Variants in STARD13 observed in about 807,000 individuals in gnomAD.
The protein encoded by STARD13 is StAR related lipid transfer domain containing 13, also known as stAR-related lipid transfer protein 13.
STARD13 carries 62 observed loss-of-function variants against 106.4 expected under a neutral mutation model. That is an observed-to-expected ratio of 0.58 (90% CI 0.48 to 0.72). STARD13 has a LOEUF of 0.72. Among genes scored for constraint, STARD13 ranks in the 30% least tolerant of loss-of-function variants. The pLI is 0.00. For missense variants in STARD13, 1,387 were observed against 1,424.0 expected, an observed-to-expected ratio of 0.97 and a Z score of 0.42; for synonymous variants, 565 against 553.0, an observed-to-expected ratio of 1.02 and a Z score of -0.31.
intron 3 of STARD13, 82 bp downstream of exon 3, chr13:33,165,255 T>C: frequency 9.5e-7 from 1 of 1,055,484 alleles, no homozygotes; most frequent in Non-Finnish European, 1.5e-6. Context: ...ACTTGCCGAA[T>C]AGCTGAGCTC....
intron 13 of STARD13, 91 bp from the exon 14 acceptor site, chr13:33,105,801 G>A (rs919301888): frequency 8.5e-6 from 9 of 1,058,158 alleles, no homozygotes; most frequent in African/African-American, 3.1e-5. Context: ...CTTGGGCCCC[G>A]ATGACCAGTG....
intron 1 of STARD13, among the ~76,000 whole-genome samples, chr13:33,299,766 C>T (rs377015582): frequency 2.0e-5 from 3 of 152,168 alleles, no homozygotes; most frequent in Non-Finnish European, 2.9e-5. Flanking sequence ...TTCATGAATG[C>T]CTACTCTGTG....
chr13:33,644,427 T>C, the STARD13 span, among the ~76,000 whole-genome samples: 15,350 of 151,868 alleles, frequency 0.1, 1,689 homozygotes, highest in African/African-American at 0.24. Flanking sequence ...GGTGCCTGAT[T>C]CCCGAATGCC....
intron 1 of STARD13, among the ~76,000 whole-genome samples, chr13:33,256,719 G>A (rs1158283487): frequency 2.0e-5 from 3 of 152,170 alleles, no homozygotes; most frequent in African/African-American, 7.2e-5. Context: ...AACGAGACAA[G>A]CATGTTAACA....
chr13:33,467,573 G>A, the STARD13 span, among the ~76,000 whole-genome samples: 18 of 152,136 alleles, frequency 1.2e-4, no homozygotes, highest in Non-Finnish European at 2.2e-4. Flanking sequence ...TTTTCAGAGC[G>A]AAATGAGGAC....
chr13:33,239,850 T>C (rs1889379030), intron 1 of STARD13, among the ~76,000 whole-genome samples: 1 of 152,206 alleles, frequency 6.6e-6, no homozygotes, highest in South Asian at 2.1e-4. Flanking sequence ...TAGGTTGCTT[T>C]TTCAATCTTG....
At chr13:33,557,076 C>T in the STARD13 span, among the ~76,000 whole-genome samples, 2 of 152,160 alleles carry the variant, frequency 1.3e-5, no homozygotes, top group African/African-American at 2.4e-5. Context: ...TGTAGAGCAC[C>T]AATGAGTGTA....
the STARD13 span, among the ~76,000 whole-genome samples, chr13:33,623,260 A>G: frequency 5.3e-5 from 8 of 152,218 alleles, no homozygotes; most frequent in South Asian, 1.5e-3. Flanking sequence ...TTTCAATGTC[A>G]TAACATGCAC....
chr13:33,585,781 T>A, the STARD13 span, among the ~76,000 whole-genome samples: 1 of 152,196 alleles, frequency 6.6e-6, no homozygotes. Flanking sequence ...TTCTGACACA[T>A]CCTACATCAT....
At chr13:33,387,617 C>T in the STARD13 span, among the ~76,000 whole-genome samples, 3 of 152,070 alleles carry the variant, frequency 2.0e-5, no homozygotes, top group Non-Finnish European at 2.9e-5. Context: ...AGAGAGTGAA[C>T]GAGATATAAG....
chr13:33,585,213 GTATGGCAGTTCCTCAAAAAAT>G, the STARD13 span, among the ~76,000 whole-genome samples: 2 of 152,168 alleles, frequency 1.3e-5, no homozygotes, highest in African/African-American at 4.8e-5. Context: ...ATGGAAAATA[GTATGGCAGTTCCTCAAAAAAT>G]TACAGATAGA....
chr13:33,504,462 G>A, the STARD13 span, among the ~76,000 whole-genome samples: 40 of 151,988 alleles, frequency 2.6e-4, no homozygotes, highest in African/African-American at 9.4e-4. Context: ...GTAGGGACAC[G>A]GATGAAACTG....
At chr13:33,663,860 CTTAATG>C in the STARD13 span, among the ~76,000 whole-genome samples, 1 of 152,186 alleles carries the variant, frequency 6.6e-6, no homozygotes, top group East Asian at 1.9e-4. Flanking sequence ...CCAAATGCCT[CTTAATG>C]AGTTCAGCTT....
chr13:33,335,969 T>C (rs1371233866), intron 1 of STARD13, among the ~76,000 whole-genome samples: 1 of 51,312 alleles, frequency 1.9e-5, no homozygotes, highest in Admixed American at 2.2e-4. Flanking sequence ...AAAATATTAT[T>C]CATTCATTCA....
intron 1 of STARD13, among the ~76,000 whole-genome samples, chr13:33,217,759 T>G (rs1489721023): frequency 6.6e-6 from 1 of 152,202 alleles, no homozygotes; most frequent in East Asian, 1.9e-4. Flanking sequence ...ATTTTAAAAG[T>G]TAAGCTCAAA....
the STARD13 span, among the ~76,000 whole-genome samples, chr13:33,557,155 T>C: frequency 1.3e-5 from 2 of 152,156 alleles, no homozygotes; most frequent in East Asian, 1.9e-4. Context: ...ACCCCTTAGA[T>C]TGAAAGAATA....
At chr13:33,672,794 T>G in the STARD13 span, among the ~76,000 whole-genome samples, 1 of 152,238 alleles carries the variant, frequency 6.6e-6, no homozygotes, top group Non-Finnish European at 1.5e-5. Flanking sequence ...CAATTTGCTT[T>G]GATGAAATTA....
chr13:33,571,990 G>A, the STARD13 span, among the ~76,000 whole-genome samples: 27 of 151,962 alleles, frequency 1.8e-4, no homozygotes, highest in Non-Finnish European at 3.7e-4. Context: ...GCAGTGTGTG[G>A]GAAACAACAA....
chr13:33,455,099 GA>G, the STARD13 span, among the ~76,000 whole-genome samples: 1 of 152,270 alleles, frequency 6.6e-6, no homozygotes, highest in Admixed American at 6.5e-5. Context: ...AAACAGGAGG[GA>G]AAAAGTCTCC....
Sources: allele counts gnomAD v4.1 joint callset (sites outside exome capture counted in the v4.1 genomes callset), GRCh38; gene constraint gnomAD v4.1.1; transcripts MANE v1.5; gene names NCBI Gene and HGNC (gene_info 2026-07-23, HGNC 2026-07-21).